GRM8: variants seen among roughly 807,000 people sequenced by gnomAD.
GRM8 encodes the protein glutamate metabotropic receptor 8.
In GRM8, 47 loss-of-function variants were observed where a neutral mutation model predicts 87.2. The observed-to-expected ratio is 0.54, with a 90% CI of 0.43 to 0.69. The LOEUF (loss-of-function observed/expected upper bound fraction) is 0.69, where lower values mean the gene tolerates loss of function less well. Ranked by LOEUF, GRM8 falls within the 30% of genes least tolerant of loss-of-function variation. The probability of loss-of-function intolerance (pLI) is 0.00; values close to 1 mark genes in which losing one functional copy is unlikely to be tolerated. For missense variants in GRM8, 1,019 were observed against 1,139.2 expected (o/e 0.89, Z 1.52); for synonymous variants, 396 against 404.5 (o/e 0.98, Z 0.25).
intron 7 of GRM8, among the ~76,000 whole-genome samples, chr7:126,651,762 T>C (rs996199188): frequency 6.6e-6 from 1 of 152,210 alleles, no homozygotes; most frequent in Non-Finnish European, 1.5e-5. Flanking sequence ...GAAATCAGTC[T>C]ACTGCTCCAC....
chr7:126,716,340 A>T (rs1811738184), intron 7 of GRM8, among the ~76,000 whole-genome samples: 1 of 151,916 alleles, frequency 6.6e-6, no homozygotes, highest in Non-Finnish European at 1.5e-5. Context: ...TGGAGTTGTG[A>T]AGCAGTTAGC....
chr7:126,468,347 C>A (rs946036679), intron 9 of GRM8, among the ~76,000 whole-genome samples: 1 of 152,048 alleles, frequency 6.6e-6, no homozygotes, highest in Non-Finnish European at 1.5e-5. Flanking sequence ...TGATAGTCCA[C>A]CCAATTCCTT....
intron 8 of GRM8, among the ~76,000 whole-genome samples, chr7:126,582,575 A>C (rs546410653): frequency 6.6e-6 from 1 of 152,344 alleles, no homozygotes; most frequent in South Asian, 2.1e-4. Flanking sequence ...TTCTATTGGA[A>C]GAAGGGGCCA....
intron 7 of GRM8, among the ~76,000 whole-genome samples, chr7:126,744,164 C>T (rs547863881): frequency 3.3e-5 from 5 of 152,064 alleles, no homozygotes; most frequent in East Asian, 3.9e-4. Flanking sequence ...CAAAGCATGA[C>T]GCTTGACTCA....
At position 126,708,678 on chromosome 7, in the gene GRM8, T is replaced by C. The variant is rs114475210; in HGVS notation, c.1357+61187A>G. The stretch of plus-strand genomic sequence containing the variant: ...TCATTTGCAATAACATGGATGAACA[T>C]GGAGGACATTAAGTGAAATAAGGCA... On this transcript the variant is annotated intron_variant, in intron 7 of 10. Transcript: ENST00000339582. 6.9e-3 allele frequency among the ~76,000 whole-genome samples: 1,054 copies of C among 151,852 alleles called. 17 individuals carry two copies. The highest frequency in any genetic ancestry group is 0.024 in the African/African-American group (995 of 41,426).
intron 3 of GRM8, among the ~76,000 whole-genome samples, chr7:127,008,111 C>G (rs1256655100): frequency 2.0e-5 from 3 of 151,914 alleles, no homozygotes; most frequent in African/African-American, 2.4e-5. Context: ...TTAAGAGGTA[C>G]AGTCTCTACC....
At position 126,769,359 on chromosome 7, in the gene GRM8, C is replaced by T. The variant is rs1010207613; in HGVS notation, c.1357+506G>A. 3.9e-5 allele frequency among the ~76,000 whole-genome samples: 6 copies of T among 151,986 alleles called. No homozygotes were observed. The East Asian group carries it at 5.8e-4, about 15-fold the overall frequency. On this transcript the variant is annotated intron_variant, in intron 7 of 10. Transcript: ENST00000339582. ...TACATTGTGTGCATCCCTTTGCTTC[C>T]GAAGGACTGAGTCATTGAGAAAAAT...
chr7:126,751,562 C>G (rs1816419820), intron 7 of GRM8, among the ~76,000 whole-genome samples: 2 of 152,158 alleles, frequency 1.3e-5, no homozygotes, highest in Admixed American at 6.6e-5. Context: ...CTAGGAATAC[C>G]CAAGTCCTTC....
chr7:126,481,444 C>T (rs12154954), intron 9 of GRM8, among the ~76,000 whole-genome samples: 46,691 of 151,676 alleles, frequency 0.31, 7,977 homozygotes, highest in Non-Finnish European at 0.37. Flanking sequence ...AAGGTTCATT[C>T]ACATGTAATA....
At chr7:127,117,879 T>A (rs554265829) in intron 2 of GRM8, among the ~76,000 whole-genome samples, 1 of 152,304 alleles carries the variant, frequency 6.6e-6, no homozygotes, top group Admixed American at 6.5e-5. Context: ...CAAATTGAAG[T>A]CAATAAACTT....
chr7:126,562,358 A>C (rs1793798444), intron 8 of GRM8, among the ~76,000 whole-genome samples: 1 of 152,202 alleles, frequency 6.6e-6, no homozygotes, highest in Non-Finnish European at 1.5e-5. Context: ...AGTTTATTTC[A>C]AACTGTTTGG....
At chr7:127,214,596 T>C (rs1341892622) in intron 2 of GRM8, among the ~76,000 whole-genome samples, 1 of 152,146 alleles carries the variant, frequency 6.6e-6, no homozygotes, top group Middle Eastern at 3.2e-3. Flanking sequence ...AGTCACGTCT[T>C]ACATGGCGGC....
chr7:127,128,662 T>C (rs983778758), intron 2 of GRM8, among the ~76,000 whole-genome samples: 4 of 152,168 alleles, frequency 2.6e-5, no homozygotes, highest in African/African-American at 9.7e-5. Flanking sequence ...GTAAGAAAAC[T>C]GAGACTTGAA....
intron 8 of GRM8, among the ~76,000 whole-genome samples, chr7:126,590,472 T>C (rs1005838888): frequency 6.6e-6 from 1 of 152,078 alleles, no homozygotes; most frequent in African/African-American, 2.4e-5. Flanking sequence ...CGAGGAAAAC[T>C]TCCCCAGTCT....
intron 3 of GRM8, among the ~76,000 whole-genome samples, chr7:126,995,624 T>A (rs759245260): frequency 6.6e-6 from 1 of 152,228 alleles, no homozygotes; most frequent in South Asian, 2.1e-4. Context: ...AAGAAAGAAT[T>A]AATGAGCTTG....
intron 10 of GRM8, among the ~76,000 whole-genome samples, chr7:126,439,522 C>A (rs1175920786): frequency 6.6e-6 from 1 of 152,108 alleles, no homozygotes; most frequent in Non-Finnish European, 1.5e-5. Flanking sequence ...AAGCATAGCA[C>A]ATACAATTAT....
In GRM8 at chr7:126,539,268, C is replaced by T. The variant is rs368823400; in HGVS notation, c.1495-5381G>A. On this transcript the variant is annotated intron_variant, in intron 8 of 10. Transcript: ENST00000339582. ...TTATCCAGGAAAAACTACAAAACAT[C>T]ATTGAAAAAAAGTGAAAAAAAAAGT... is the stretch of plus-strand genomic sequence containing the variant. Among the ~76,000 whole-genome samples, 126 of 151,324 alleles carry T rather than the reference C, an allele frequency of 8.3e-4. 1 individual carries two copies. The highest frequency in any genetic ancestry group is 3.4e-3 in the Middle Eastern group (1 of 294).
chr7:126,778,526 A>G (rs1819707732), intron 6 of GRM8, among the ~76,000 whole-genome samples: 3 of 152,212 alleles, frequency 2.0e-5, no homozygotes, highest in Admixed American at 1.3e-4. Context: ...TCATAGATAT[A>G]TCCCTAAGTC....
At chr7:126,511,425 T>C (rs998119443) in intron 9 of GRM8, 1 of 152,156 alleles carries the variant, frequency 6.6e-6, no homozygotes, top group Admixed American at 6.6e-5. Context: ...AACAAATCTA[T>C]AGACAACATG....
Sources: gnomAD v4.1 joint callset for allele counts (sites outside exome capture counted in the v4.1 genomes callset) on GRCh38, gnomAD v4.1.1 for gene constraint, MANE v1.5 for transcripts, NCBI Gene and HGNC (gene_info 2026-07-23, HGNC 2026-07-21) for gene names.